KCNMA1: variants seen among roughly 807,000 people sequenced by gnomAD.
The protein encoded by KCNMA1 is Calcium-activated potassium channel subunit alpha-1.
KCNMA1 carries 29 observed loss-of-function variants against 140.0 expected under a neutral mutation model. That is an observed-to-expected ratio of 0.21 (90% CI 0.15 to 0.28). The LOEUF (loss-of-function observed/expected upper bound fraction) is 0.28, where lower values mean the gene tolerates loss of function less well. Among genes scored for constraint, KCNMA1 ranks in the 10% least tolerant of loss-of-function variants. KCNMA1 has a pLI of 1.00. For synonymous variants in KCNMA1, 612 were observed against 611.9 expected (o/e 1.00, Z 0.00); for missense variants, 880 against 1,602.2 (o/e 0.55, Z 7.70).
In KCNMA1 at chr10:76,885,646, G is replaced by T; in HGVS notation, c.*1620C>A. 1.0e-6 allele frequency: 1 copy of T among 985,212 alleles called. No homozygotes were observed. Among genetic ancestry groups the T allele is most frequent in the Non-Finnish European group, 1.2e-6 (1 of 829,864 alleles). The allele number at this position is 985,212 out of a possible 1,614,324, so 61.0% of individuals were successfully genotyped here. A position where few individuals can be genotyped will look rare whatever the true frequency, so the allele number is the denominator to read the frequency against. On this transcript the variant is annotated 3_prime_UTR_variant, in exon 28 of 28. Transcript: ENST00000286628. ...CCTATTCTATTCGATGGAATTCTTT[G>T]AAGTAAAACTTTTCAAATATGTATA...
At chr10:76,969,212 G>A (rs1019391297) in intron 20 of KCNMA1, among the ~76,000 whole-genome samples, 1 of 146,278 alleles carries the variant, frequency 6.8e-6, no homozygotes, top group African/African-American at 2.5e-5. Flanking sequence ...ATTTACCAGA[G>A]GAAGCCATAG....
intron 3 of KCNMA1, among the ~76,000 whole-genome samples, chr10:77,216,601 T>C (rs2047860879): frequency 6.6e-6 from 1 of 152,182 alleles, no homozygotes; most frequent in Non-Finnish European, 1.5e-5. Flanking sequence ...TTTTAAACTA[T>C]GAAAAAATTG....
At position 76,991,057 on chromosome 10, in the gene KCNMA1, T is replaced by C. The variant is rs139474699; in HGVS notation, c.2266+10350A>G. ...CAGAGTCAAATTACCCTGACCGCCA[T>C]AAAAGGCCTCGAATGTTGCTCTACA... On this transcript the variant is annotated intron_variant, in intron 19 of 27. Transcript: ENST00000286628. Among the ~76,000 whole-genome samples, 169 of 152,288 alleles carry C rather than the reference T, an allele frequency of 1.1e-3. 2 individuals are homozygous for C. The highest frequency in any genetic ancestry group is 3.8e-3 in the African/African-American group (157 of 41,568).
At chr10:77,286,320 A>G (rs1484476616) in intron 2 of KCNMA1, among the ~76,000 whole-genome samples, 2 of 152,200 alleles carry the variant, frequency 1.3e-5, no homozygotes, top group Non-Finnish European at 2.9e-5. Context: ...GCGGAGGCTG[A>G]TTGCCAAAGT....
At chr10:77,044,606 G>A (rs553812085) in intron 14 of KCNMA1, among the ~76,000 whole-genome samples, 9 of 152,224 alleles carry the variant, frequency 5.9e-5, no homozygotes, top group East Asian at 3.9e-4. Flanking sequence ...CTATGACTGC[G>A]CCACTGCACT....
rs899030641 is a variant in KCNMA1 at position 77,027,804 on chromosome 10, T to C, written c.1928+19A>G. On this transcript the variant is annotated intron_variant, in intron 16 of 27. Transcript: ENST00000286628. ...ACCATCAAAAGTGTCAGCTGGCTGC[T>C]GGGTCACCGCAAACTTACCGGCTCT... 1.2e-6 allele frequency: 2 copies of C among 1,610,610 alleles called. No homozygotes were observed. The highest frequency in any genetic ancestry group is 1.7e-6 in the Non-Finnish European group (2 of 1,176,916).
At chr10:77,439,328 C>T (rs894042580) in intron 1 of KCNMA1, among the ~76,000 whole-genome samples, 1 of 152,164 alleles carries the variant, frequency 6.6e-6, no homozygotes, top group African/African-American at 2.4e-5. Flanking sequence ...ATCTGAAAAG[C>T]AACCTAGAAA....
At chr10:77,622,456 C>A (rs2091633648) in intron 1 of KCNMA1, among the ~76,000 whole-genome samples, 5 of 152,196 alleles carry the variant, frequency 3.3e-5, no homozygotes, top group Admixed American at 3.3e-4. Context: ...TGTGTGTGAC[C>A]CTGAGCAGTT....
intron 5 of KCNMA1, among the ~76,000 whole-genome samples, chr10:77,129,454 C>T (rs1223794786): frequency 3.3e-5 from 5 of 152,032 alleles, no homozygotes; most frequent in East Asian, 3.9e-4. Context: ...TCCGTTAATC[C>T]GAGTAATCAC....
intron 1 of KCNMA1, among the ~76,000 whole-genome samples, chr10:77,619,866 G>C (rs1439284928): frequency 6.6e-6 from 1 of 152,210 alleles, no homozygotes; most frequent in Admixed American, 6.5e-5. Flanking sequence ...TCCCAGGAAG[G>C]CGGCATTCCC....
chr10:77,045,656 G>C (rs1306195470), intron 14 of KCNMA1, among the ~76,000 whole-genome samples: 5 of 152,178 alleles, frequency 3.3e-5, no homozygotes, highest in African/African-American at 1.2e-4. Flanking sequence ...CCTGATCCCA[G>C]GTTCTGTGTG....
At chr10:77,513,364 A>G (rs553233979) in intron 1 of KCNMA1, among the ~76,000 whole-genome samples, 1 of 152,258 alleles carries the variant, frequency 6.6e-6, no homozygotes, top group East Asian at 1.9e-4. Flanking sequence ...ATCTCACGCT[A>G]TTGTCTTCCT....
chr10:76,876,953 T>G (rs1473741952), downstream of KCNMA1: 1 of 152,560 alleles, frequency 6.6e-6, no homozygotes, highest in Non-Finnish European at 1.5e-5. Flanking sequence ...CTTGTGTGCA[T>G]CTGGTCCTCA....
chr10:77,342,513 C>T (rs2091180751), intron 2 of KCNMA1, among the ~76,000 whole-genome samples: 1 of 152,170 alleles, frequency 6.6e-6, no homozygotes, highest in Non-Finnish European at 1.5e-5. Flanking sequence ...GACCACCCAA[C>T]CCCCAGCCAG....
intron 1 of KCNMA1, among the ~76,000 whole-genome samples, chr10:77,588,249 G>C (rs974450921): frequency 6.6e-6 from 1 of 152,224 alleles, no homozygotes; most frequent in African/African-American, 2.4e-5. Flanking sequence ...GCAGACAGGA[G>C]GCTGAGAGCA....
rs79962072 is a variant in KCNMA1 at position 77,628,217 on chromosome 10, C to T, written c.378+9048G>A. 6.5e-3 allele frequency among the ~76,000 whole-genome samples: 984 copies of T among 152,300 alleles called. 14 individuals carry two copies. Among genetic ancestry groups the T allele is most frequent in the African/African-American group, 0.021 (891 of 41,562 alleles). ...ATGATATGCAAAGATGCAGACCCAT[C>T]GTGGCTGAATAGTTTCGTACAGTTA... On this transcript the variant is annotated intron_variant, in intron 1 of 27. Transcript: ENST00000286628.
chr10:76,988,361 C>A (rs1393333926), intron 19 of KCNMA1, among the ~76,000 whole-genome samples: 1 of 152,046 alleles, frequency 6.6e-6, no homozygotes, highest in Non-Finnish European at 1.5e-5. Flanking sequence ...GTCTCAACAC[C>A]AACTGGACCT....
intron 3 of KCNMA1, among the ~76,000 whole-genome samples, chr10:77,194,361 C>T (rs1278250934): frequency 1.3e-5 from 2 of 152,256 alleles, no homozygotes; most frequent in African/African-American, 4.8e-5. Context: ...GAGCCTTCTC[C>T]AGATGTTTGC....
Position 76,941,013 on chromosome 10 carries a change from G to GAAA in KCNMA1, c.2902+3759_2902+3760insTTT, listed in dbSNP as rs1261165906. 8.3e-3 allele frequency among the ~76,000 whole-genome samples: 471 copies of GAAA among 56,652 alleles called. 5 individuals are homozygous for GAAA. Among genetic ancestry groups the GAAA allele is most frequent in the African/African-American group, 0.033 (438 of 13,174 alleles). 37.2% of individuals were successfully genotyped at this position (56,652 alleles called of 152,430 possible). A position where few individuals can be genotyped will look rare whatever the true frequency, so the allele number is the denominator to read the frequency against. On this transcript the variant is annotated intron_variant, in intron 23 of 27. Coordinates refer to ENST00000286628, the MANE Select transcript of KCNMA1 (RefSeq NM_001161352.2). ...AGAGAGAAAGAAAGGAAGGAAGGAAGGAAGGAAGAAAGAAAGAAAGAAAGA... is the reference window on the plus strand; with the variant it reads ...AGAGAGAAAGAAAGGAAGGAAGGAAGAAAGAAGGAAGAAAGAAAGAAAGAAAGA...
Sources: gnomAD v4.1 joint callset for allele counts (sites outside exome capture counted in the v4.1 genomes callset) on GRCh38, gnomAD v4.1.1 for gene constraint, MANE v1.5 for transcripts, NCBI Gene and HGNC (gene_info 2026-07-23, HGNC 2026-07-21) for gene names.